COL5A2: variants seen among roughly 807,000 people sequenced by gnomAD.
The protein encoded by COL5A2 is collagen alpha-2(V) chain.
Under a neutral mutation model 208.2 loss-of-function variants are expected in COL5A2, and 23 were observed. That is an observed-to-expected ratio of 0.11 (90% CI 0.08 to 0.16). The LOEUF (loss-of-function observed/expected upper bound fraction) is 0.16. Among genes scored for constraint, COL5A2 ranks in the 10% least tolerant of loss-of-function variants. The pLI is 1.00. For synonymous variants in COL5A2, 625 were observed against 628.5 expected (o/e 0.99, Z 0.08); for missense variants, 1,590 against 1,956.4 (o/e 0.81, Z 3.53).
intron 30 of COL5A2, 130 bp downstream of exon 30, chr2:189,061,432 T>C: frequency 2.8e-6 from 2 of 726,114 alleles, no homozygotes; most frequent in Non-Finnish European, 4.8e-6. Flanking sequence ...ATGTCTATAC[T>C]ATCTACTAAA....
intron 1 of COL5A2, among the ~76,000 whole-genome samples, chr2:189,124,456 G>A (rs558917897): frequency 1.4e-3 from 219 of 152,178 alleles, no homozygotes; most frequent in African/African-American, 5.0e-3. Context: ...TAGGGCGCAG[G>A]AAATGAAATT....
chr2:189,373,511 A>G, the COL5A2 span, among the ~76,000 whole-genome samples: 1 of 152,120 alleles, frequency 6.6e-6, no homozygotes, highest in African/African-American at 2.4e-5. Context: ...TCTGGTTTCT[A>G]TTTTTCAAAA....
chr2:189,166,800 CAT>C (rs1688473269), intron 1 of COL5A2, among the ~76,000 whole-genome samples: 1 of 152,172 alleles, frequency 6.6e-6, no homozygotes, highest in Non-Finnish European at 1.5e-5. Context: ...GGCAAATTAC[CAT>C]ATAACAAGCT....
intron 1 of COL5A2, among the ~76,000 whole-genome samples, chr2:189,199,617 C>A (rs1390538595): frequency 1.3e-5 from 2 of 152,140 alleles, no homozygotes; most frequent in African/African-American, 4.8e-5. Context: ...GAATCTAGAA[C>A]AGCCACAAAG....
chr2:189,438,910 T>C, the COL5A2 span, among the ~76,000 whole-genome samples: 2 of 152,180 alleles, frequency 1.3e-5, no homozygotes, highest in African/African-American at 4.8e-5. Context: ...CCCTATGAAC[T>C]GGCCTCTTAT....
the COL5A2 span, among the ~76,000 whole-genome samples, chr2:189,376,138 A>G: frequency 6.6e-6 from 1 of 152,204 alleles, no homozygotes; most frequent in Non-Finnish European, 1.5e-5. Flanking sequence ...AATTTTAAAA[A>G]TTCTTTTAAA....
the COL5A2 span, among the ~76,000 whole-genome samples, chr2:189,415,442 A>T: frequency 6.6e-6 from 1 of 152,126 alleles, no homozygotes; most frequent in African/African-American, 2.4e-5. Flanking sequence ...TTTCGGGAAA[A>T]AAGTATGTTG....
chr2:189,167,663 G>GA, intron 1 of COL5A2, among the ~76,000 whole-genome samples: 1 of 67,840 alleles, frequency 1.5e-5, no homozygotes, highest in African/African-American at 4.7e-5. Flanking sequence ...AGAAAGAAGT[G>GA]ATTTTTTTTT....
chr2:189,108,813 C>T (rs1035989572), intron 2 of COL5A2, among the ~76,000 whole-genome samples: 2 of 151,804 alleles, frequency 1.3e-5, no homozygotes, highest in African/African-American at 4.8e-5. Flanking sequence ...ATTCTCATGG[C>T]CCTTGCTTTA....
At chr2:189,243,961 G>A in the COL5A2 span, among the ~76,000 whole-genome samples, 1 of 152,170 alleles carries the variant, frequency 6.6e-6, no homozygotes, top group Non-Finnish European at 1.5e-5. Flanking sequence ...CACAGCCTGA[G>A]CTCTACATTG....
chr2:189,045,284 T>G, intron 46 of COL5A2, 52 bp from the exon 47 acceptor site: 1 of 1,189,070 alleles, frequency 8.4e-7, no homozygotes, highest in Non-Finnish European at 1.2e-6. Flanking sequence ...GATATTCACA[T>G]ATTACATAGA....
At chr2:189,106,530 T>C (rs12621913) in intron 2 of COL5A2, among the ~76,000 whole-genome samples, 3,723 of 151,410 alleles carry the variant, frequency 0.025, 106 homozygotes, top group South Asian at 0.085. Flanking sequence ...AGCATACAAT[T>C]GTATTTTCTG....
intron 52 of COL5A2, 140 bp from the exon 53 acceptor site, chr2:189,035,295 C>A (rs1321749925): frequency 9.1e-7 from 1 of 1,104,640 alleles, no homozygotes; most frequent in Non-Finnish European, 1.3e-6. Context: ...ATAAAGTAAG[C>A]TATTCTAGCT....
At chr2:189,057,289 TG>T (rs1685919943) in intron 34 of COL5A2, 30 bp downstream of exon 34, 5 of 524,682 alleles carry the variant, frequency 9.5e-6, no homozygotes, top group Non-Finnish European at 8.4e-6. Context: ...ATAAATGAAC[TG>T]AAAAAAAAAA....
chr2:189,044,289 AAAG>A (rs1576489617), intron 47 of COL5A2, among the ~76,000 whole-genome samples: 1 of 152,314 alleles, frequency 6.6e-6, no homozygotes, highest in East Asian at 1.9e-4. Flanking sequence ...TTTATAATAA[AAAG>A]AAGATGATTT....
Position 189,204,874 on chromosome 2 carries a change from T to C in COL5A2, c.-42+20274A>G, listed in dbSNP as rs113371734. On this transcript the variant is annotated intron_variant, in intron 1 of 10. Coordinates refer to the COL5A2 transcript ENST00000649966. ...GAAGTGGTAGAATACCTGCGATTTA[T>C]TTGTGACCCCAGGTCTTGGGATCTC... is the stretch of plus-strand genomic sequence containing the variant. 2.2e-4 allele frequency among the ~76,000 whole-genome samples: 34 copies of C among 152,292 alleles called. 1 individual carries two copies. Among genetic ancestry groups the C allele is most frequent in the African/African-American group, 8.2e-4 (34 of 41,576 alleles).
chr2:189,366,842 T>G, the COL5A2 span, among the ~76,000 whole-genome samples: 1 of 152,190 alleles, frequency 6.6e-6, no homozygotes, highest in Non-Finnish European at 1.5e-5. Context: ...TTCTGGAGGT[T>G]TGTGCGTCTT....
the COL5A2 span, among the ~76,000 whole-genome samples, chr2:189,350,005 T>C: frequency 6.6e-6 from 1 of 152,194 alleles, no homozygotes; most frequent in East Asian, 1.9e-4. Context: ...CACCTTGTGT[T>C]CCTGTAATTA....
the COL5A2 span, among the ~76,000 whole-genome samples, chr2:189,230,672 T>C: frequency 6.6e-6 from 1 of 151,828 alleles, no homozygotes; most frequent in Non-Finnish European, 1.5e-5. Flanking sequence ...ATTATGTTTT[T>C]TAAAAATAAC....
Sources: gnomAD v4.1 joint callset for allele counts (sites outside exome capture counted in the v4.1 genomes callset) on GRCh38, gnomAD v4.1.1 for gene constraint, MANE v1.5 for transcripts, NCBI Gene and HGNC (gene_info 2026-07-23, HGNC 2026-07-21) for gene names.